Variants in BIN1 observed in about 807,000 individuals in gnomAD.
The protein encoded by BIN1 is bridging integrator 1, also known as myc box-dependent-interacting protein 1.
Under a neutral mutation model 82.0 loss-of-function variants are expected in BIN1, and 53 were observed. That is an observed-to-expected ratio of 0.65 (90% confidence interval 0.52 to 0.81). BIN1 has a LOEUF of 0.81. BIN1 is among the 40% of genes least tolerant of loss of function. The probability of loss-of-function intolerance (pLI) is 0.00; values close to 1 mark genes in which losing one functional copy is unlikely to be tolerated. For synonymous variants in BIN1, 302 were observed against 328.0 expected, an observed-to-expected ratio of 0.92 and a Z score of 0.86; for missense variants, 642 against 784.4, an observed-to-expected ratio of 0.82 and a Z score of 2.17.
At chr2:127,097,671 C>T (rs958871204) in intron 1 of BIN1, among the ~76,000 whole-genome samples, 1 of 152,220 alleles carries the variant, frequency 6.6e-6, no homozygotes, top group Admixed American at 6.5e-5. Context: ...TCCCCTCACC[C>T]GCAACCCAGG....
At chr2:127,089,645 C>CG (rs1678655830) in intron 1 of BIN1, among the ~76,000 whole-genome samples, 9 of 152,100 alleles carry the variant, frequency 5.9e-5, no homozygotes, top group Admixed American at 3.3e-4. Flanking sequence ...CCCCACCCAC[C>CG]TGCCCCTCAG....
chr2:127,089,611 C>T (rs151160906), intron 1 of BIN1, among the ~76,000 whole-genome samples: 2 of 152,082 alleles, frequency 1.3e-5, no homozygotes, highest in Admixed American at 1.3e-4. Context: ...CACACCCCAC[C>T]GTCAGGTTTC....
chr2:127,100,691 G>A (rs367915346), intron 1 of BIN1, among the ~76,000 whole-genome samples: 93 of 152,256 alleles, frequency 6.1e-4, no homozygotes, highest in African/African-American at 2.1e-3. Context: ...TCTCTCCTCG[G>A]CTCCCCAGCC....
chr2:127,101,005 GT>G (rs368372011), intron 1 of BIN1, among the ~76,000 whole-genome samples: 12 of 116,412 alleles, frequency 1.0e-4, no homozygotes, highest in East Asian at 2.2e-4. Flanking sequence ...TGTGCGGGGG[GT>G]GGGGATAGAC....
rs920369843 is a variant in BIN1, at chr2:127,090,064, C to T, written c.85-13358G>A. Among the ~76,000 whole-genome samples the T allele has an allele frequency of 6.6e-6, 1 of 152,102 alleles. No individual in the cohort carries two copies. The highest frequency in any genetic ancestry group is 2.1e-4 in the South Asian group (1 of 4,816). ...TGCTCCTGCGGCTCACAGTCCACTG[C>T]AGCATGGCCAGTTCCTTGGAACAGC... On this transcript the variant is annotated intron_variant, in intron 1 of 18. Transcript: ENST00000316724. This position sits in a 1 kb window ranked among gnomAD's most constrained non-coding sequence, Gnocchi z 6.4.
chr2:127,065,349 T>A (rs1027197164), intron 7 of BIN1, among the ~76,000 whole-genome samples: 2 of 152,110 alleles, frequency 1.3e-5, no homozygotes, highest in African/African-American at 4.8e-5. Flanking sequence ...ACACCTCTCT[T>A]GGATCCAGGG....
chr2:127,067,900 G>C lies in BIN1; in HGVS notation c.612+263C>G, dbSNP rs910735352. On this transcript the variant is annotated intron_variant, in intron 7 of 18. Coordinates refer to ENST00000316724, the MANE Select transcript of BIN1 (RefSeq NM_139343.3). The surrounding 1 kb of genome is among the most constrained non-coding windows in gnomAD (Gnocchi z 4.7). The stretch of plus-strand genomic sequence containing the variant: ...CCTGGACCACTAGGATTTCAGAGGA[G>C]TCTCCAGGAATGACCACAGATGCAG... Among the ~76,000 whole-genome samples the C allele has an allele frequency of 6.6e-6, 1 of 152,204 alleles. No homozygotes were observed. Among genetic ancestry groups the C allele is most frequent in the Middle Eastern group, 3.2e-3 (1 of 316 alleles).
At chr2:127,075,765 A>G (rs187186808) in intron 2 of BIN1, among the ~76,000 whole-genome samples, 341 of 7,066 alleles carry the variant, frequency 0.048, no homozygotes, top group Middle Eastern at 0.12. Context: ...GCCCCCCACC[A>G]CCCTCTCCCA....
chr2:127,103,587 G>A (rs188357575), intron 1 of BIN1, among the ~76,000 whole-genome samples: 2 of 152,218 alleles, frequency 1.3e-5, no homozygotes, highest in African/African-American at 4.8e-5. Flanking sequence ...TCAGCCCAGC[G>A]TGGTCAGAGA....
Position 127,070,060 on chromosome 2 carries a change from G to C in BIN1, c.346C>G (p.Gln116Glu). The change falls in exon 5 of 19, where the codon CAG becomes GAG. Residue 116 changes from glutamine to glutamate, a missense_variant. Physicochemically the swap from Gln to Glu is conservative, Grantham distance 29 (BLOSUM62 2). Transcript: ENST00000316724. ...NNDLLWMDYHQKLVDQALLTM... is the reference protein window; with the variant it reads ...NNDLLWMDYHEKLVDQALLTM... The stretch of plus-strand genomic sequence containing the variant: ...AGCAGCGCCTGGTCCACCAGCTTCT[G>C]GTGGTAATCCATCCACAGCAGGTCG... 1.2e-6 allele frequency: 2 copies of C among 1,614,112 alleles called. No homozygotes were observed. Among genetic ancestry groups the C allele is most frequent in the Non-Finnish European group, 1.7e-6 (2 of 1,179,994 alleles).
intron 14 of BIN1, chr2:127,052,890 C>T: frequency 4.0e-6 from 1 of 248,112 alleles, no homozygotes; most frequent in East Asian, 9.3e-5. Flanking sequence ...GTGACAGTGA[C>T]ATGGTGCTGT....
chr2:127,100,395 G>A (rs1473933932), intron 1 of BIN1, among the ~76,000 whole-genome samples: 3 of 152,300 alleles, frequency 2.0e-5, no homozygotes, highest in Middle Eastern at 3.4e-3. Flanking sequence ...GCTTTATGCA[G>A]GGAGTCCGCT....
chr2:127,078,877 G>C (rs1218465697), intron 1 of BIN1, among the ~76,000 whole-genome samples: 11 of 148,930 alleles, frequency 7.4e-5, no homozygotes, highest in Admixed American at 4.0e-4. Flanking sequence ...CCTCCAAAGA[G>C]AGGAATAGAC....
chr2:127,101,849 G>C (rs1049582102), intron 1 of BIN1, among the ~76,000 whole-genome samples: 1 of 152,110 alleles, frequency 6.6e-6, no homozygotes, highest in Non-Finnish European at 1.5e-5. Context: ...GTCTGTGAAC[G>C]TCATAAGCCT....
rs1686717840 is a variant in BIN1 at position 127,077,172 on chromosome 2, C to A, written c.85-466G>T. On this transcript the variant is annotated intron_variant, in intron 1 of 18. Coordinates refer to ENST00000316724, the MANE Select transcript of BIN1 (RefSeq NM_139343.3). ...ATGAATGCCACAGGCAACAGCAGAGCAGGCCCTGAACCGGCAGGAGCCATC... is the reference window on the plus strand; with the variant it reads ...ATGAATGCCACAGGCAACAGCAGAGAAGGCCCTGAACCGGCAGGAGCCATC... 3.9e-5 allele frequency among the ~76,000 whole-genome samples: 6 copies of A among 152,240 alleles called. No individual in the cohort carries two copies. The South Asian group carries it at 1.2e-3, about 31-fold the overall frequency.
intron 12 of BIN1, 96 bp from the exon 13 acceptor site, chr2:127,054,108 G>A (rs1683330857): frequency 2.1e-6 from 2 of 974,570 alleles, no homozygotes; most frequent in Non-Finnish European, 3.2e-6. Flanking sequence ...CACACGCGTG[G>A]ACACACACAC....
rs1047534322 is a variant in BIN1 at position 127,093,799 on chromosome 2, G to C, written c.84+13061C>G. 1.3e-5 allele frequency among the ~76,000 whole-genome samples: 2 copies of C among 152,150 alleles called. No homozygotes were observed. Among genetic ancestry groups the C allele is most frequent in the Non-Finnish European group, 2.9e-5 (2 of 68,028 alleles). On this transcript the variant is annotated intron_variant, in intron 1 of 18. Coordinates refer to ENST00000316724, the MANE Select transcript of BIN1 (RefSeq NM_139343.3). This position sits in a 1 kb window ranked among gnomAD's most constrained non-coding sequence, Gnocchi z 5.7. ...GGTGAGAACGATACCACACGTTTCCGCCCCTGCCGCTCTCTCTGGACAATC... is the reference window on the plus strand; with the variant it reads ...GGTGAGAACGATACCACACGTTTCCCCCCCTGCCGCTCTCTCTGGACAATC...
intron 5 of BIN1, among the ~76,000 whole-genome samples, chr2:127,069,410 C>T (rs150308833): frequency 1.8e-3 from 267 of 152,282 alleles, no homozygotes; most frequent in African/African-American, 6.4e-3. Context: ...CCCCATCCTG[C>T]CCACCAAGGG....
At chr2:127,080,774 G>T (rs111402401) in intron 1 of BIN1, among the ~76,000 whole-genome samples, 1 of 152,138 alleles carries the variant, frequency 6.6e-6, no homozygotes, top group Non-Finnish European at 1.5e-5. Context: ...GGGCAGGGAG[G>T]GGGGGCAGGT....
Sources: allele counts gnomAD v4.1 joint callset (sites outside exome capture counted in the v4.1 genomes callset), GRCh38; gene constraint gnomAD v4.1.1; non-coding constraint Gnocchi (gnomAD v3.1); transcripts MANE v1.5; gene names NCBI Gene and HGNC (gene_info 2026-07-23, HGNC 2026-07-21).